The following ZNRF3 variants were observed in gnomAD, a reference collection of about 807,000 sequenced individuals.
ZNRF3 encodes the protein zinc and ring finger 3, also known as E3 ubiquitin-protein ligase ZNRF3.
In ZNRF3, 23 loss-of-function variants were observed where a neutral mutation model predicts 72.5. The ratio of observed to expected loss-of-function variants is 0.32; its 90% CI spans 0.23 to 0.45. The LOEUF (loss-of-function observed/expected upper bound fraction) is 0.45. Ranked by LOEUF, ZNRF3 falls within the 20% of genes least tolerant of loss-of-function variation. The pLI is 1.00. For synonymous variants in ZNRF3, 610 were observed against 545.3 expected (o/e 1.12, Z -1.65); for missense variants, 1,169 against 1,272.1 (o/e 0.92, Z 1.23).
chr22:29,010,844 AT>A lies in ZNRF3; in HGVS notation c.426+23648del, dbSNP rs374577081. ...ACCACCATGCCCAACTAATTTTTCT[AT>A]TTTTAGTAGAGATGGGTTTCATCCT... is the stretch of plus-strand genomic sequence containing the variant. On this transcript the variant is annotated intron_variant, in intron 2 of 8. Coordinates refer to ENST00000544604, the MANE Select transcript of ZNRF3 (RefSeq NM_001206998.2). Among the ~76,000 whole-genome samples the A allele has an allele frequency of 7.2e-3, 1,099 of 152,006 alleles. 10 individuals carry two copies. Among genetic ancestry groups the A allele is most frequent in the African/African-American group, 0.023 (972 of 41,452 alleles).
intron 1 of ZNRF3, among the ~76,000 whole-genome samples, chr22:28,939,761 G>C (rs1423459690): frequency 6.6e-6 from 1 of 152,114 alleles, no homozygotes; most frequent in Non-Finnish European, 1.5e-5. Context: ...AGATGCTGTA[G>C]AAAGGGTTCA....
chr22:28,982,433 C>CAAAAAAA (rs61589852), intron 1 of ZNRF3, among the ~76,000 whole-genome samples: 1 of 76,480 alleles, frequency 1.3e-5, no homozygotes, highest in African/African-American at 6.7e-5. Flanking sequence ...CCTGTCTCTA[C>CAAAAAAA]AAAAAAAAAA....
In ZNRF3 at chr22:29,018,623, G is replaced by A. The variant is rs141752865; in HGVS notation, c.427-23872G>A. 1,234 of 152,468 alleles carry A rather than the reference G, an allele frequency of 8.1e-3. 12 individuals carry two copies. The highest frequency in any genetic ancestry group is 0.012 in the Non-Finnish European group (810 of 68,220). 9.4% of individuals were successfully genotyped at this position (152,468 alleles called of 1,614,324 possible). A position where few individuals can be genotyped will look rare whatever the true frequency, so the allele number is the denominator to read the frequency against. ...AGGAAGAGAGAAGGGGTACAGCATA[G>A]GACTTAAAGGAAAACAAGTAAGTGA... On this transcript the variant is annotated intron_variant, in intron 2 of 8. Transcript: ENST00000544604.
At chr22:29,003,642 C>T (rs2123845488) in intron 2 of ZNRF3, among the ~76,000 whole-genome samples, 1 of 152,058 alleles carries the variant, frequency 6.6e-6, no homozygotes, top group Admixed American at 6.6e-5. Context: ...GAGTTGGAGA[C>T]CAGCCTCGGC....
intron 1 of ZNRF3, among the ~76,000 whole-genome samples, chr22:28,929,372 C>T (rs1003615641): frequency 2.0e-5 from 3 of 152,090 alleles, no homozygotes; most frequent in South Asian, 2.1e-4. Flanking sequence ...CTGTCCTGTG[C>T]GTTGTAGGAT....
intron 2 of ZNRF3, among the ~76,000 whole-genome samples, chr22:29,000,249 G>A (rs906490646): frequency 3.3e-5 from 5 of 152,218 alleles, no homozygotes; most frequent in African/African-American, 1.2e-4. Flanking sequence ...TCAGCCTGAA[G>A]AACGTGGGCT....
chr22:28,985,242 T>A (rs1341473817), intron 1 of ZNRF3, among the ~76,000 whole-genome samples: 1 of 152,202 alleles, frequency 6.6e-6, no homozygotes. Flanking sequence ...GCTGTCTTGG[T>A]GTCCAGACTC....
intron 2 of ZNRF3, among the ~76,000 whole-genome samples, chr22:29,016,025 AAAAAC>A (rs1442040647): frequency 7.2e-6 from 1 of 138,896 alleles, no homozygotes; most frequent in African/African-American, 3.1e-5. Context: ...AAAAAAAAAA[AAAAAC>A]AAAAAAACTG....
At chr22:28,969,131 C>G (rs190412115) in intron 1 of ZNRF3, among the ~76,000 whole-genome samples, 1 of 152,286 alleles carries the variant, frequency 6.6e-6, no homozygotes, top group African/African-American at 2.4e-5. Flanking sequence ...GCTGGGGCAG[C>G]CTAGCCCAAA....
At chr22:29,035,221 A>C (rs1352830219) in intron 2 of ZNRF3, among the ~76,000 whole-genome samples, 1 of 152,004 alleles carries the variant, frequency 6.6e-6, no homozygotes, top group East Asian at 1.9e-4. Context: ...GTTAATCTCC[A>C]AGGGTATGCC....
chr22:28,918,553 T>C (rs1012176354), intron 1 of ZNRF3, among the ~76,000 whole-genome samples: 1 of 141,754 alleles, frequency 7.1e-6, no homozygotes, highest in Admixed American at 6.7e-5. Flanking sequence ...TGTGTGTGTG[T>C]GTGTGTGTGT....
intron 2 of ZNRF3, among the ~76,000 whole-genome samples, chr22:29,008,102 CCTCT>C (rs989794995): frequency 6.6e-5 from 10 of 152,224 alleles, no homozygotes; most frequent in African/African-American, 2.4e-4. Flanking sequence ...TGAAATTGTA[CCTCT>C]CTCATTTGTA....
chr22:29,020,249 CTTTTTTTTTTTTTT>C (rs756716817), intron 2 of ZNRF3, among the ~76,000 whole-genome samples: 2 of 91,768 alleles, frequency 2.2e-5, no homozygotes, highest in African/African-American at 4.4e-5. Flanking sequence ...CACAACCATC[CTTTTTTTTTTTTTT>C]TTTTTTTTTT....
rs959848317 is a variant in ZNRF3 at position 29,049,476 on chromosome 22, G to C, written c.1295G>C (p.Arg432Pro). Residue 432 changes from arginine to proline, a missense_variant, in exon 8 of 9, where the codon CGC becomes CCC. Around this residue, in one of 2 missense-constraint regions of ZNRF3, gnomAD observed 783 missense variants for 731.4 expected, o/e 1.07. Transcript: ENST00000544604. The surrounding 1 kb of genome is among the most constrained non-coding windows in gnomAD (Gnocchi z 5.2). The part of the protein sequence containing the change: ...LHLDHSLAAH[R>P]CGLEHRAYSP... ...CTGGACCACAGCCTGGCCGCTCACC[G>C]CTGCGGCCTGGAGCACCGGGCCTAC... The C allele has an allele frequency of 6.2e-7, 1 of 1,604,240 alleles. No homozygotes were observed. Among genetic ancestry groups the C allele is most frequent in the Non-Finnish European group, 8.5e-7 (1 of 1,179,544 alleles).
At chr22:29,022,633 G>T (rs55938033) in intron 2 of ZNRF3, among the ~76,000 whole-genome samples, 9,420 of 152,250 alleles carry the variant, frequency 0.062, 636 homozygotes, top group African/African-American at 0.17. Context: ...TCAGCTGTCC[G>T]TCTTACAAGT....
intron 2 of ZNRF3, among the ~76,000 whole-genome samples, chr22:29,032,821 T>C (rs547634978): frequency 3.6e-4 from 55 of 152,360 alleles, no homozygotes; most frequent in African/African-American, 1.3e-3. Flanking sequence ...GGCTGCCCTT[T>C]AGTGAAGGAG....
intron 2 of ZNRF3, chr22:29,026,111 G>A (rs2036631995): frequency 6.6e-6 from 1 of 152,136 alleles, no homozygotes; most frequent in South Asian, 2.1e-4. Flanking sequence ...ACGCATTTGG[G>A]AGAAATAAAA....
At chr22:29,047,290 G>T (rs1300760029) in intron 6 of ZNRF3, among the ~76,000 whole-genome samples, 1 of 152,124 alleles carries the variant, frequency 6.6e-6, no homozygotes, top group African/African-American at 2.4e-5. Flanking sequence ...GAAAAGACTA[G>T]TACCATAGAC....
At chr22:28,888,545 T>C (rs1225118618) in intron 1 of ZNRF3, among the ~76,000 whole-genome samples, 1 of 152,262 alleles carries the variant, frequency 6.6e-6, no homozygotes, top group African/African-American at 2.4e-5. Context: ...TTTTCTGTTT[T>C]GTTCCCTGAG....
Sources: allele counts gnomAD v4.1 joint callset (sites outside exome capture counted in the v4.1 genomes callset), GRCh38; gene constraint gnomAD v4.1.1; regional missense constraint gnomAD v4.1.1; non-coding constraint Gnocchi (gnomAD v3.1); transcripts MANE v1.5; gene names NCBI Gene and HGNC (gene_info 2026-07-23, HGNC 2026-07-21).